The following RC3H1 variants were observed in gnomAD, a reference collection of about 807,000 sequenced individuals.
RC3H1 encodes ring finger and CCCH-type domains 1.
In RC3H1, 50 loss-of-function variants were observed where a neutral mutation model predicts 138.2. The observed-to-expected ratio is 0.36, with a 90% confidence interval of 0.29 to 0.46. The LOEUF is 0.46. Among genes scored for constraint, RC3H1 ranks in the 20% least tolerant of loss-of-function variants. The probability of loss-of-function intolerance (pLI) is 1.00; values close to 1 mark genes in which losing one functional copy is unlikely to be tolerated. For synonymous variants in RC3H1, 462 were observed against 489.1 expected, an observed-to-expected ratio of 0.94 and a Z score of 0.73; for missense variants, 1,031 against 1,388.1, an observed-to-expected ratio of 0.74 and a Z score of 4.09.
intron 13 of RC3H1, among the ~76,000 whole-genome samples, chr1:173,952,348 T>C (rs1444230850): frequency 6.8e-6 from 1 of 147,922 alleles, no homozygotes; most frequent in East Asian, 2.0e-4. Flanking sequence ...TGAAGAGTGA[T>C]TTTTAGCTTT....
chr1:174,017,808 A>C (rs1442896014), intron 1 of RC3H1, among the ~76,000 whole-genome samples: 1 of 146,226 alleles, frequency 6.8e-6, no homozygotes, highest in East Asian at 2.0e-4. Context: ...AAAAAAAAAA[A>C]AACTGCTACC....
chr1:173,961,868 A>G lies in RC3H1; in HGVS notation c.2059T>C (p.Phe687Leu). Residue 687 changes from phenylalanine to leucine, a missense_variant, in exon 12 of 20, where the codon TTC (phenylalanine) becomes CTC (leucine). Around this residue, in one of 7 missense-constraint regions of RC3H1, gnomAD observed 716 missense variants for 837.9 expected, o/e 0.85. Transcript: ENST00000367696. ...TCAATGGGTATAGGGCTTTCTCGGAATATCTCTTCTCTTGTGTAAGACGGA... is the reference window on the plus strand; with the variant it reads ...TCAATGGGTATAGGGCTTTCTCGGAGTATCTCTTCTCTTGTGTAAGACGGA... Reference protein sequence around the residue: ...PAPSYTREEIFRESPIPIEIP... With the variant: ...PAPSYTREEILRESPIPIEIP... 1 of 1,614,122 alleles carries G rather than the reference A, an allele frequency of 6.2e-7. No homozygotes were observed. The highest frequency in any genetic ancestry group is 1.1e-5 in the South Asian group (1 of 91,086).
rs1298667492 is a variant in RC3H1 at position 173,978,423 on chromosome 1, TA to T, written c.1102+64del. On this transcript the variant is annotated intron_variant, in intron 7 of 19. Transcript: ENST00000367696. Reference sequence around the variant, plus strand: ...CCCTAGAGGAACAACAAAAGATAATTAAAGAATCATTGAGCAGCACGAAAGG... The same window carrying T: ...CCCTAGAGGAACAACAAAAGATAATTAAGAATCATTGAGCAGCACGAAAGG... 8 of 1,533,774 alleles carry T rather than the reference TA, an allele frequency of 5.2e-6. No homozygotes were observed. In the African/African-American group the frequency reaches 9.6e-5, roughly 18 times the overall value.
intron 1 of RC3H1, among the ~76,000 whole-genome samples, chr1:174,010,795 T>C (rs944822600): frequency 6.6e-6 from 1 of 152,154 alleles, no homozygotes; most frequent in Non-Finnish European, 1.5e-5. Flanking sequence ...AATTCTTCCA[T>C]GACAACTCAA....
chr1:173,973,948 C>A (rs1049789003), intron 7 of RC3H1, among the ~76,000 whole-genome samples: 2 of 152,030 alleles, frequency 1.3e-5, no homozygotes, highest in African/African-American at 4.8e-5. Flanking sequence ...CAGATAATAA[C>A]CAAGACAAAT....
In RC3H1 at chr1:174,017,783, CAAAA is replaced by C. The variant is rs61239660; in HGVS notation, c.-151+4309_-151+4312del. ...ACCCCTTTAGAACTCTTTTCTTGCT[CAAAA>C]AAAAAAAAAAAAAAAAAAAAAAACT... On this transcript the variant is annotated intron_variant, in intron 1 of 19. Transcript: ENST00000367696. 9.9e-3 allele frequency among the ~76,000 whole-genome samples: 713 copies of C among 71,978 alleles called. 3 individuals carry two copies. The highest frequency in any genetic ancestry group is 0.013 in the Non-Finnish European group (499 of 38,980). 47.2% of individuals were successfully genotyped at this position (71,978 alleles called of 152,430 possible). A position where few individuals can be genotyped will look rare whatever the true frequency, so the allele number is the denominator to read the frequency against.
In RC3H1 at chr1:173,997,633, C is replaced by A. The variant is rs145257908; in HGVS notation, c.-150-4498G>T. ...CTAGTAAAATAGTTCTTTGACACAA[C>A]TATAAACAACTTGATAGAATAAAAA... On this transcript the variant is annotated intron_variant, in intron 1 of 19. Coordinates refer to ENST00000367696, the MANE Select transcript of RC3H1 (RefSeq NM_172071.4). Among the ~76,000 whole-genome samples, 241 of 152,234 alleles carry A rather than the reference C, an allele frequency of 1.6e-3. 2 individuals are homozygous for A. The highest frequency in any genetic ancestry group is 7.9e-3 in the South Asian group (38 of 4,828).
intron 1 of RC3H1, among the ~76,000 whole-genome samples, chr1:174,014,844 G>C (rs1337799453): frequency 6.6e-6 from 1 of 151,732 alleles, no homozygotes; most frequent in African/African-American, 2.4e-5. Flanking sequence ...TTTTTAGCGA[G>C]GTCTATATTC....
rs1557918265 is a variant in RC3H1 at position 173,943,412 on chromosome 1, T to C, written c.3135+30A>G. 3 of 1,578,790 alleles carry C rather than the reference T, an allele frequency of 1.9e-6. No individual in the cohort carries two copies. The Admixed American group carries it at 5.3e-5, about 28-fold the overall frequency. ...GCCACATGAAAGATTTCATTTCACC[T>C]TCCCTCTCTTTCCCCACCATAACAC... On this transcript the variant is annotated intron_variant, in intron 18 of 19. Transcript: ENST00000367696.
intron 2 of RC3H1, among the ~76,000 whole-genome samples, chr1:173,989,876 G>A (rs6425265): frequency 0.29 from 43,251 of 149,532 alleles, 11,174 homozygotes; most frequent in African/African-American, 0.7. Flanking sequence ...ACAGGCGCCC[G>A]CCACCGCGCC....
intron 13 of RC3H1, among the ~76,000 whole-genome samples, chr1:173,954,926 G>C (rs1352940601): frequency 6.6e-6 from 1 of 152,058 alleles, no homozygotes; most frequent in Non-Finnish European, 1.5e-5. Context: ...ATTTGAGGAA[G>C]AAAGAAACCA....
At chr1:174,019,373 G>A (rs1377295009) in intron 1 of RC3H1, among the ~76,000 whole-genome samples, 4 of 152,172 alleles carry the variant, frequency 2.6e-5, no homozygotes, top group Non-Finnish European at 5.9e-5. Flanking sequence ...TGTGGTAGTG[G>A]CAAAGAATCT....
chr1:174,008,501 T>C (rs1024884798), intron 1 of RC3H1, among the ~76,000 whole-genome samples: 2 of 152,160 alleles, frequency 1.3e-5, no homozygotes, highest in African/African-American at 4.8e-5. Flanking sequence ...TCATTTTCCA[T>C]TTTAGAATTA....
chr1:174,021,962 G>GGGCTGC (rs1312785692), intron 1 of RC3H1, 134 bp downstream of exon 1: 1 of 377,282 alleles, frequency 2.7e-6, no homozygotes, highest in African/African-American at 2.1e-5. Context: ...GGGGCCGGCC[G>GGGCTGC]GGCTGCCGCT....
At chr1:174,013,924 G>A (rs1176174715) in intron 1 of RC3H1, among the ~76,000 whole-genome samples, 1 of 152,032 alleles carries the variant, frequency 6.6e-6, no homozygotes, top group Admixed American at 6.6e-5. Context: ...AGATACTGAC[G>A]AAGAGACCTA....
rs1256929990 is a variant in RC3H1 at position 173,943,662 on chromosome 1, C to T, written c.2962-47G>A. On this transcript the variant is annotated intron_variant, in intron 17 of 19. Transcript: ENST00000367696. ...ACAGAAAACTCAACACACTTCACAC[C>T]ATGCACAGAATAACCAGGCTCAATT... The T allele has an allele frequency of 1.9e-6, 3 of 1,550,288 alleles. No individual in the cohort carries two copies. The South Asian group carries it at 3.7e-5, about 19-fold the overall frequency.
chr1:174,016,733 C>T (rs189721635), intron 1 of RC3H1, among the ~76,000 whole-genome samples: 32 of 151,586 alleles, frequency 2.1e-4, no homozygotes, highest in African/African-American at 6.0e-4. Context: ...TTTAAGATTT[C>T]AATTCAATTA....
intron 7 of RC3H1, among the ~76,000 whole-genome samples, chr1:173,976,881 T>C (rs1660608888): frequency 6.6e-6 from 1 of 151,654 alleles, no homozygotes; most frequent in African/African-American, 2.4e-5. Flanking sequence ...CTACAAACAA[T>C]GAAAGTTTAT....
At chr1:174,008,513 T>G (rs970554534) in intron 1 of RC3H1, among the ~76,000 whole-genome samples, 2 of 152,084 alleles carry the variant, frequency 1.3e-5, no homozygotes, top group Non-Finnish European at 2.9e-5. Context: ...TTAGAATTAT[T>G]TCTCAACTAC....
Sources: allele counts gnomAD v4.1 joint callset (sites outside exome capture counted in the v4.1 genomes callset), GRCh38; gene constraint gnomAD v4.1.1; regional missense constraint gnomAD v4.1.1; transcripts MANE v1.5; gene names NCBI Gene and HGNC (gene_info 2026-07-23, HGNC 2026-07-21).